RNF175: variants seen among roughly 807,000 people sequenced by gnomAD.
RNF175 encodes the protein ring finger protein 175.
RNF175 carries 38 observed loss-of-function variants against 50.0 expected under a neutral mutation model. The observed-to-expected ratio is 0.76, with a 90% CI of 0.59 to 1.00. The LOEUF (loss-of-function observed/expected upper bound fraction) is 1.00, where lower values mean the gene tolerates loss of function less well. Ranked by LOEUF, RNF175 falls within the 50% of genes least tolerant of loss-of-function variation. RNF175 has a pLI of 0.00. For synonymous variants in RNF175, 155 were observed against 146.1 expected, an observed-to-expected ratio of 1.06 and a Z score of -0.44; for missense variants, 388 against 409.6, an observed-to-expected ratio of 0.95 and a Z score of 0.46.
chr4:153,732,163 C>A (rs942938614), intron 3 of RNF175, among the ~76,000 whole-genome samples: 2 of 151,506 alleles, frequency 1.3e-5, no homozygotes, highest in African/African-American at 4.9e-5. Context: ...ACCTGGGAAG[C>A]GGAGGTTGCA....
chr4:153,712,661 T>G lies in RNF175; in HGVS notation c.765-85A>C, dbSNP rs2127083676. The G allele has an allele frequency of 3.4e-6, 3 of 884,348 alleles. No homozygotes were observed. The Admixed American group carries it at 6.0e-5, about 18-fold the overall frequency. The allele number at this position is 884,348 out of a possible 1,614,324, so 54.8% of individuals were successfully genotyped here. ...GCATGGAATGGTCCCATCTTCAGGGTCTAGTGGTGGAGTCATGACTTGATG... is the reference window on the plus strand; with the variant it reads ...GCATGGAATGGTCCCATCTTCAGGGGCTAGTGGTGGAGTCATGACTTGATG... On this transcript the variant is annotated intron_variant, in intron 7 of 8. Transcript: ENST00000347063.
intron 3 of RNF175, among the ~76,000 whole-genome samples, chr4:153,738,199 G>T (rs1739450958): frequency 6.6e-6 from 1 of 152,030 alleles, no homozygotes; most frequent in African/African-American, 2.4e-5. Flanking sequence ...ACAGGAGCAT[G>T]CCACTATGCC....
intron 6 of RNF175, among the ~76,000 whole-genome samples, chr4:153,716,555 C>G: frequency 6.7e-6 from 1 of 148,736 alleles, no homozygotes; most frequent in East Asian, 2.0e-4. Flanking sequence ...CCCTAGGAAG[C>G]TTTTTTTTTT....
chr4:153,718,230 GTTTGTTTGTTT>G (rs1277485997), intron 6 of RNF175, among the ~76,000 whole-genome samples: 1 of 31,844 alleles, frequency 3.1e-5, no homozygotes, highest in Non-Finnish European at 6.7e-5. Flanking sequence ...TTGTTTGTTT[GTTTGTTTGTTT>G]TTTTTTTTTT....
intron 3 of RNF175, among the ~76,000 whole-genome samples, chr4:153,732,231 CA>C (rs35638181): frequency 0.26 from 37,813 of 143,372 alleles, 5,411 homozygotes; most frequent in East Asian, 0.79. Context: ...GACTCTGTCT[CA>C]AAAAAAAAAA....
chr4:153,725,298 T>C (rs1738632066), intron 4 of RNF175, among the ~76,000 whole-genome samples: 1 of 152,172 alleles, frequency 6.6e-6, no homozygotes, highest in Admixed American at 6.5e-5. Flanking sequence ...TTGTCAGTAC[T>C]GAGCAGTTTA....
At chr4:153,744,980 C>A (rs556361068) in intron 3 of RNF175, among the ~76,000 whole-genome samples, 1 of 152,224 alleles carries the variant, frequency 6.6e-6, no homozygotes, top group Admixed American at 6.5e-5. Context: ...CCTTTAGACC[C>A]TGTACTATAT....
intron 3 of RNF175, among the ~76,000 whole-genome samples, chr4:153,746,434 C>T (rs1180919355): frequency 7.4e-6 from 1 of 135,760 alleles, no homozygotes; most frequent in Non-Finnish European, 1.7e-5. Context: ...ATCTCATGTC[C>T]GTAGCTCTCC....
chr4:153,752,352 C>T (rs572506579), intron 1 of RNF175, among the ~76,000 whole-genome samples: 3 of 152,284 alleles, frequency 2.0e-5, no homozygotes, highest in South Asian at 4.2e-4. Context: ...AACACTTGAG[C>T]CCAGATGTTG....
chr4:153,717,126 G>T (rs570804128), intron 6 of RNF175, among the ~76,000 whole-genome samples: 1 of 152,070 alleles, frequency 6.6e-6, no homozygotes, highest in African/African-American at 2.4e-5. Context: ...TATCAATGTG[G>T]ACTCATGGAT....
chr4:153,710,229 C>T lies in RNF175; in HGVS notation c.*140G>A. On this transcript the variant is annotated 3_prime_UTR_variant, in exon 9 of 9. Transcript: ENST00000347063. Reference sequence around the variant, plus strand: ...GTTCAGCTTCTCTTTAAATTCTTTCCACATGGACAAATTGCTTGACAACAA... The same window carrying T: ...GTTCAGCTTCTCTTTAAATTCTTTCTACATGGACAAATTGCTTGACAACAA... 6 of 604,942 alleles carry T rather than the reference C, an allele frequency of 9.9e-6. No individual in the cohort carries two copies. The highest frequency in any genetic ancestry group is 1.6e-5 in the Non-Finnish European group (6 of 367,548). The allele number at this position is 604,942 out of a possible 1,614,324, so 37.5% of individuals were successfully genotyped here. A position where few individuals can be genotyped will look rare whatever the true frequency, so the allele number is the denominator to read the frequency against.
chr4:153,718,694 T>C (rs1738140031), intron 6 of RNF175, among the ~76,000 whole-genome samples: 2 of 152,208 alleles, frequency 1.3e-5, no homozygotes, highest in South Asian at 4.1e-4. Context: ...TGTTTTTTCT[T>C]GGAGAAACTG....
chr4:153,752,231 A>T (rs942505441), intron 1 of RNF175, among the ~76,000 whole-genome samples: 1 of 152,232 alleles, frequency 6.6e-6, no homozygotes, highest in Non-Finnish European at 1.5e-5. Context: ...AAGAGCATAG[A>T]CAACCAATGT....
chr4:153,728,098 A>C, intron 4 of RNF175, 109 bp downstream of exon 4: 1 of 685,626 alleles, frequency 1.5e-6, no homozygotes, highest in Non-Finnish European at 2.2e-6. Flanking sequence ...AAGACACGTA[A>C]AAGAAATGTA....
intron 1 of RNF175, among the ~76,000 whole-genome samples, chr4:153,757,914 T>C (rs1740639860): frequency 2.0e-5 from 3 of 152,146 alleles, no homozygotes; most frequent in South Asian, 2.1e-4. Flanking sequence ...CATCATAAGA[T>C]TGTACGTTAC....
At chr4:153,746,180 G>A (rs919480140) in intron 3 of RNF175, among the ~76,000 whole-genome samples, 1 of 152,236 alleles carries the variant, frequency 6.6e-6, no homozygotes, top group African/African-American at 2.4e-5. Flanking sequence ...TCAGGCAGAG[G>A]ATAGATATTC....
intron 3 of RNF175, among the ~76,000 whole-genome samples, chr4:153,735,892 T>C (rs1739329973): frequency 6.6e-6 from 1 of 152,240 alleles, no homozygotes; most frequent in African/African-American, 2.4e-5. Context: ...TTTATGTTGA[T>C]TCTTTGAGAT....
At chr4:153,740,296 ATTATT>A (rs1404052512) in intron 3 of RNF175, among the ~76,000 whole-genome samples, 1 of 152,084 alleles carries the variant, frequency 6.6e-6, no homozygotes, top group African/African-American at 2.4e-5. Flanking sequence ...ATTAGCCATA[ATTATT>A]TTAAGTTTTA....
At position 153,710,911 on chromosome 4, in the gene RNF175, T is replaced by A. The variant is rs372205841; in HGVS notation, c.867-422A>T. ...CAAAGAATAACACTGGTTCATCAGA[T>A]AAGAGAGACCTTTTTCTGCTGTCTT... On this transcript the variant is annotated intron_variant, in intron 8 of 8. Transcript: ENST00000347063. 2.1e-4 allele frequency among the ~76,000 whole-genome samples: 32 copies of A among 152,322 alleles called. No homozygotes were observed. The East Asian group carries it at 5.6e-3, about 27-fold the overall frequency.
Sources: allele counts gnomAD v4.1 joint callset (sites outside exome capture counted in the v4.1 genomes callset), GRCh38; gene constraint gnomAD v4.1.1; transcripts MANE v1.5; gene names NCBI Gene and HGNC (gene_info 2026-07-23, HGNC 2026-07-21).